Variants in RERE observed in about 807,000 individuals in gnomAD.
RERE encodes the protein arginine-glutamic acid dipeptide repeats.
In RERE, 40 loss-of-function variants were observed where a neutral mutation model predicts 146.1. That is an observed-to-expected ratio of 0.27 (90% CI 0.21 to 0.36). The LOEUF is 0.36. Ranked by LOEUF, RERE falls within the 10% of genes least tolerant of loss-of-function variation. The pLI, the probability that RERE is intolerant of heterozygous loss-of-function variation, is 1.00. For synonymous variants in RERE, 1,003 were observed against 866.0 expected (o/e 1.16, Z -2.78); for missense variants, 1,933 against 2,138.7 (o/e 0.90, Z 1.90).
At chr1:8,367,598 A>G (rs1267328654) in intron 12 of RERE, among the ~76,000 whole-genome samples, 1 of 152,058 alleles carries the variant, frequency 6.6e-6, no homozygotes, top group Non-Finnish European at 1.5e-5. Flanking sequence ...CCAGGGAGCC[A>G]TCTCGGGACA....
chr1:8,632,529 G>A (rs1192898914), intron 2 of RERE, among the ~76,000 whole-genome samples: 1 of 152,312 alleles, frequency 6.6e-6, no homozygotes, highest in East Asian at 1.9e-4. Flanking sequence ...TAGACTGTCA[G>A]TATAATTTAG....
Position 8,760,648 on chromosome 1 carries a change from C to T in RERE, c.-145+56512G>A, listed in dbSNP as rs2124530220. 1.3e-5 allele frequency among the ~76,000 whole-genome samples: 2 copies of T among 152,310 alleles called. 1 individual carries two copies. Among genetic ancestry groups the T allele is most frequent in the South Asian group, 4.1e-4 (2 of 4,828 alleles). On this transcript the variant is annotated intron_variant, in intron 1 of 22. Coordinates refer to ENST00000400908, the MANE Select transcript of RERE (RefSeq NM_001042681.2). ...GTTGTGTTTTGAAGATAGGGTCTCG[C>T]TCTGTCACCCAGGATGGTTTCTTAA...
chr1:8,461,142 TTTATG>T (rs1262185413), intron 11 of RERE, among the ~76,000 whole-genome samples: 1 of 152,130 alleles, frequency 6.6e-6, no homozygotes, highest in East Asian at 1.9e-4. Context: ...GCCTGGGGCC[TTTATG>T]TTATATTTGA....
chr1:8,791,141 A>G (rs1323610973), intron 1 of RERE, among the ~76,000 whole-genome samples: 1 of 152,222 alleles, frequency 6.6e-6, no homozygotes, highest in Non-Finnish European at 1.5e-5. Flanking sequence ...TACTAATGAC[A>G]TGGAAAATCC....
At chr1:8,706,384 CAG>C (rs1639562654) in intron 1 of RERE, among the ~76,000 whole-genome samples, 1 of 152,152 alleles carries the variant, frequency 6.6e-6, no homozygotes, top group South Asian at 2.1e-4. Flanking sequence ...CTCAAAAACA[CAG>C]AGATCCTAAC....
chr1:8,425,153 G>A (rs987885039), intron 11 of RERE: 1 of 152,150 alleles, frequency 6.6e-6, no homozygotes, highest in Non-Finnish European at 1.5e-5. Flanking sequence ...GGTATGAGAT[G>A]AGGACCTCAA....
intron 11 of RERE, among the ~76,000 whole-genome samples, chr1:8,434,431 T>G (rs1406352788): frequency 6.6e-6 from 1 of 152,172 alleles, no homozygotes; most frequent in Non-Finnish European, 1.5e-5. Context: ...TAACTGAAAT[T>G]AAACCAACAA....
intron 11 of RERE, among the ~76,000 whole-genome samples, chr1:8,442,474 G>A (rs572583013): frequency 3.9e-4 from 59 of 151,326 alleles, no homozygotes; most frequent in African/African-American, 5.6e-4. Context: ...CTCCTACTTC[G>A]TTTTCTACCA....
At chr1:8,733,555 T>G (rs1294721550) in intron 1 of RERE, among the ~76,000 whole-genome samples, 1 of 152,194 alleles carries the variant, frequency 6.6e-6, no homozygotes, top group East Asian at 1.9e-4. Flanking sequence ...CAGGCAGCCC[T>G]ATGAAGAGGT....
At chr1:8,699,328 A>G (rs544761704) in intron 1 of RERE, among the ~76,000 whole-genome samples, 2 of 152,218 alleles carry the variant, frequency 1.3e-5, no homozygotes, top group Non-Finnish European at 2.9e-5. Flanking sequence ...ACTCAAACTC[A>G]GACAGCCTAA....
Position 8,607,534 on chromosome 1 carries a change from C to CTTTTTTTTTTTTTTTTTTTTTTTTT in RERE, c.522+7002_522+7026dup, listed in dbSNP as rs1167501074. 3.7e-4 allele frequency among the ~76,000 whole-genome samples: 18 copies of CTTTTTTTTTTTTTTTTTTTTTTTTT among 48,584 alleles called. 4 individuals are homozygous for CTTTTTTTTTTTTTTTTTTTTTTTTT. Among genetic ancestry groups the CTTTTTTTTTTTTTTTTTTTTTTTTT allele is most frequent in the African/African-American group, 9.4e-4 (11 of 11,664 alleles). The allele number at this position is 48,584 out of a possible 152,430, so 31.9% of individuals were successfully genotyped here. ...CGCATATTTGTTTTTATATATATTTCTTTTTTTTTTTTTTTTTTTTTTTTT... is the reference window on the plus strand; with the variant it reads ...CGCATATTTGTTTTTATATATATTTCTTTTTTTTTTTTTTTTTTTTTTTTTTTTTTTTTTTTTTTTTTTTTTTTTT... On this transcript the variant is annotated intron_variant, in intron 4 of 22. Transcript: ENST00000400908.
At chr1:8,736,007 A>G (rs1487794568) in intron 1 of RERE, among the ~76,000 whole-genome samples, 2 of 152,238 alleles carry the variant, frequency 1.3e-5, no homozygotes, top group African/African-American at 4.8e-5. Context: ...TTGTTGTAAT[A>G]TAAAATCCTA....
chr1:8,608,433 G>A (rs866749755), intron 4 of RERE, among the ~76,000 whole-genome samples: 1 of 152,160 alleles, frequency 6.6e-6, no homozygotes, highest in Non-Finnish European at 1.5e-5. Context: ...GAGCCCAGGA[G>A]GTTGGGGCTG....
intron 1 of RERE, among the ~76,000 whole-genome samples, chr1:8,673,048 T>C (rs1320840011): frequency 1.3e-5 from 2 of 152,168 alleles, no homozygotes; most frequent in Non-Finnish European, 2.9e-5. Flanking sequence ...AAAACAGCCA[T>C]ACATTCAAGA....
intron 4 of RERE, among the ~76,000 whole-genome samples, chr1:8,568,885 G>A (rs1646184285): frequency 3.3e-5 from 5 of 151,966 alleles, no homozygotes; most frequent in African/African-American, 1.2e-4. Flanking sequence ...CCAGCCAATT[G>A]GTTCTGTCTC....
intron 10 of RERE, among the ~76,000 whole-genome samples, chr1:8,470,069 G>A (rs921418136): frequency 2.0e-5 from 3 of 152,038 alleles, no homozygotes; most frequent in African/African-American, 7.2e-5. Flanking sequence ...CTATATAATG[G>A]CGGATTCTCT....
At chr1:8,497,208 T>C (rs1223865474) in intron 9 of RERE, among the ~76,000 whole-genome samples, 197 bp downstream of exon 9, 1 of 152,136 alleles carries the variant, frequency 6.6e-6, no homozygotes, top group African/African-American at 2.4e-5. Flanking sequence ...CATTACTTCA[T>C]CATGAAAAAA....
Position 8,495,309 on chromosome 1 carries a change from C to A in RERE, c.1005-147G>T, listed in dbSNP as rs892162864. 15 of 525,050 alleles carry A rather than the reference C, an allele frequency of 2.9e-5. No homozygotes were observed. In the East Asian group the frequency reaches 4.9e-4, roughly 17 times the overall value. The allele number at this position is 525,050 out of a possible 1,614,324, so 32.5% of individuals were successfully genotyped here. A position where few individuals can be genotyped will look rare whatever the true frequency, so the allele number is the denominator to read the frequency against. On this transcript the variant is annotated intron_variant, in intron 9 of 22. Transcript: ENST00000400908. ...ACCAGTTCCCAGCTCTGCCTCTGCT[C>A]CTATTTTTTTTTTTTTTTCTTTTGA...
intron 1 of RERE, among the ~76,000 whole-genome samples, chr1:8,670,856 A>G (rs1385197715): frequency 6.6e-6 from 1 of 152,278 alleles, no homozygotes; most frequent in African/African-American, 2.4e-5. Context: ...TCCGAGGTAC[A>G]TTTTAACAGA....
Sources: gnomAD v4.1 joint callset for allele counts (sites outside exome capture counted in the v4.1 genomes callset) on GRCh38, gnomAD v4.1.1 for gene constraint, MANE v1.5 for transcripts, NCBI Gene and HGNC (gene_info 2026-07-23, HGNC 2026-07-21) for gene names.